Variants in NR1H2 observed in about 807,000 individuals in gnomAD.
NR1H2 encodes the protein nuclear receptor subfamily 1 group H member 2, also known as oxysterols receptor LXR-beta.
Under a neutral mutation model 51.2 loss-of-function variants are expected in NR1H2, and 33 were observed. The observed-to-expected ratio is 0.64, with a 90% CI of 0.49 to 0.86. NR1H2 has a LOEUF of 0.86. NR1H2 is among the 40% of genes least tolerant of loss of function. The pLI is 0.00. For synonymous variants in NR1H2, 310 were observed against 264.3 expected (o/e 1.17, Z -1.68); for missense variants, 592 against 639.9 (o/e 0.93, Z 0.81).
intron 8 of NR1H2, 55 bp downstream of exon 8, chr19:50,379,934 C>G (rs2037739139): frequency 2.7e-6 from 3 of 1,103,488 alleles, no homozygotes; most frequent in South Asian, 1.2e-5. Context: ...GCTGGAAGAC[C>G]TGGGGCCAAC....
rs116627951 is a variant in NR1H2, at chr19:50,379,457, T to G, written c.927+276T>G. On this transcript the variant is annotated intron_variant, in intron 7 of 9. Coordinates refer to ENST00000253727, the MANE Select transcript of NR1H2 (RefSeq NM_007121.7). The stretch of plus-strand genomic sequence containing the variant: ...GGATAACATATAAGTATTGAGCACG[T>G]GCTGTATGCCAGGCTCTATTCCAAG... Among the ~76,000 whole-genome samples, 1,200 of 152,302 alleles carry G rather than the reference T, an allele frequency of 7.9e-3. 23 individuals carry two copies. The highest frequency in any genetic ancestry group is 0.027 in the African/African-American group (1,118 of 41,558).
chr19:50,379,985 G>T, intron 8 of NR1H2, 106 bp downstream of exon 8: 1 of 786,324 alleles, frequency 1.3e-6, no homozygotes. Flanking sequence ...CTCCAAAGTT[G>T]GGGTGAGGGT....
chr19:50,377,394 G>A, intron 2 of NR1H2, 193 bp from the exon 3 acceptor site: 1 of 510,460 alleles, frequency 2.0e-6, no homozygotes, highest in East Asian at 3.4e-5. Context: ...CTGAAGGCTG[G>A]CGTGGAACAG....
rs1329925270 is a variant in NR1H2, at chr19:50,382,681, G to C, written c.*79G>C. ...CGCCGGCACCCCTTCCTCTTCCTAGGGTGGAAGGGGCCCTGGGCCGAGCCT... is the reference window on the plus strand; with the variant it reads ...CGCCGGCACCCCTTCCTCTTCCTAGCGTGGAAGGGGCCCTGGGCCGAGCCT... On this transcript the variant is annotated 3_prime_UTR_variant, in exon 10 of 10. Transcript: ENST00000253727. 2 of 1,426,826 alleles carry C rather than the reference G, an allele frequency of 1.4e-6. No individual in the cohort carries two copies. Among genetic ancestry groups the C allele is most frequent in the Non-Finnish European group, 1.9e-6 (2 of 1,068,182 alleles). 88.4% of individuals were successfully genotyped at this position (1,426,826 alleles called of 1,614,324 possible). A position where few individuals can be genotyped will look rare whatever the true frequency, so the allele number is the denominator to read the frequency against.
At chr19:50,379,318 A>T (rs1446799040) in intron 7 of NR1H2, 137 bp downstream of exon 7, 2 of 1,005,980 alleles carry the variant, frequency 2.0e-6, no homozygotes, top group African/African-American at 3.2e-5. Flanking sequence ...AGCCAAGGAG[A>T]GAAAGGAAAA....
chr19:50,377,448 T>C, intron 2 of NR1H2, 139 bp from the exon 3 acceptor site: 1 of 622,130 alleles, frequency 1.6e-6, no homozygotes, highest in South Asian at 2.2e-5. Context: ...GTTTGTAGGC[T>C]GGCAGGAACC....
chr19:50,382,287 C>G (rs1010629754), intron 9 of NR1H2, 113 bp downstream of exon 9: 55 of 1,340,784 alleles, frequency 4.1e-5, no homozygotes, highest in Non-Finnish European at 5.2e-5. Context: ...AGTCTTTCCT[C>G]AGGCCCCACC....
rs751663019 is a variant in NR1H2 at position 50,382,596 on chromosome 19, C to A, written c.1377C>A (p.His459Gln). The A allele has an allele frequency of 1.3e-6, 2 of 1,575,446 alleles. No homozygotes were observed. The highest frequency in any genetic ancestry group is 1.8e-5 in the Admixed American group (1 of 56,284). The change falls in exon 10 of 10, where the codon CAC becomes CAA. Residue 459 changes from histidine (H) to glutamine (Q), a missense_variant. Coordinates refer to ENST00000253727, the MANE Select transcript of NR1H2 (RefSeq NM_007121.7). ...TGCTGTCGGAGATCTGGGACGTCCA[C>A]GAGTGAGGGGCTGGCCACCCAGCCC... ...PPLLSEIWDV[H>Q]E
intron 4 of NR1H2, 84 bp from the exon 5 acceptor site, chr19:50,378,060 CTCTTT>C: frequency 6.8e-7 from 1 of 1,465,436 alleles, no homozygotes; most frequent in Non-Finnish European, 9.2e-7. Context: ...CATCCTCTGG[CTCTTT>C]GCCTGGGGAT....
chr19:50,378,394 C>T lies in NR1H2; in HGVS notation c.427C>T (p.Gln143Ter). 1 of 1,606,562 alleles carries T rather than the reference C, an allele frequency of 6.2e-7. No homozygotes were observed. Among genetic ancestry groups the T allele is most frequent in the Non-Finnish European group, 8.5e-7 (1 of 1,174,596 alleles). ...CGCTTTCATGCGGCGCAAGTGCCAG[C>T]AGTGCCGGCTGCGCAAGTGCAAGGA... The part of the protein sequence containing the change: ...MDAFMRRKCQ[Q>*]CRLRKCKEAG... The change falls in exon 5 of 10, where the codon CAG becomes TAG. Residue 143 changes from glutamine to a stop codon, truncating the protein, a stop_gained. Coordinates refer to ENST00000253727, the MANE Select transcript of NR1H2 (RefSeq NM_007121.7). LOFTEE classifies it high-confidence loss of function.
chr19:50,382,306 C>A, intron 9 of NR1H2, 132 bp downstream of exon 9: 1 of 1,341,486 alleles, frequency 7.5e-7, no homozygotes, highest in Non-Finnish European at 1.0e-6. Context: ...CCCTGCTCGA[C>A]TGGGAGCCAG....
intron 8 of NR1H2, among the ~76,000 whole-genome samples, chr19:50,380,777 G>A (rs186899963): frequency 6.6e-6 from 1 of 152,244 alleles, no homozygotes; most frequent in Non-Finnish European, 1.5e-5. Flanking sequence ...AAGGAGATGG[G>A]GTGGAGAGGA....
In NR1H2 at chr19:50,378,369, C is replaced by A; in HGVS notation, c.402C>A (p.Asp134Glu). The change falls in exon 5 of 10, where the codon GAC (aspartate) becomes GAA (glutamate). Residue 134 changes from aspartate to glutamate, a missense_variant. Asp to Glu is a conservative substitution (Grantham distance 45, BLOSUM62 2). Coordinates refer to ENST00000253727, the MANE Select transcript of NR1H2 (RefSeq NM_007121.7). ...GGGGTGGCGGAACCTGCCAGATGGA[C>A]GCTTTCATGCGGCGCAAGTGCCAGC... is the stretch of plus-strand genomic sequence containing the variant. ...ACRGGGTCQM[D>E]AFMRRKCQQC... 1 of 1,610,416 alleles carries A rather than the reference C, an allele frequency of 6.2e-7. No individual in the cohort carries two copies. Among genetic ancestry groups the A allele is most frequent in the African/African-American group, 1.3e-5 (1 of 75,006 alleles).
chr19:50,379,134 C>T lies in NR1H2; in HGVS notation c.880C>T (p.Leu294=). The T allele has an allele frequency of 1.2e-6, 2 of 1,613,898 alleles. No homozygotes were observed. The highest frequency in any genetic ancestry group is 8.5e-7 in the Non-Finnish European group (1 of 1,179,970). ...FAKQVPGFLQ[L]GREDQIALLK... The stretch of plus-strand genomic sequence containing the variant: ...TAAGCAAGTGCCTGGTTTCCTGCAG[C>T]TGGGCCGGGAGGACCAGATCGCCCT... The change falls in exon 7 of 10, where the codon CTG becomes TTG. Residue 294 remains leucine (L), a synonymous_variant. Transcript: ENST00000253727.
At position 50,382,436 on chromosome 19, in the gene NR1H2, C is replaced by T; in HGVS notation, c.1237-20C>T. ...GGCAGGGCAGGGGCTCAGCCAGCGCCCACCTGCCTCCTCCCTCAGGACCAG... is the reference window on the plus strand; with the variant it reads ...GGCAGGGCAGGGGCTCAGCCAGCGCTCACCTGCCTCCTCCCTCAGGACCAG... On this transcript the variant is annotated intron_variant, in intron 9 of 9. Transcript: ENST00000253727. The T allele has an allele frequency of 6.4e-7, 1 of 1,573,318 alleles. No homozygotes were observed. Among genetic ancestry groups the T allele is most frequent in the South Asian group, 1.1e-5 (1 of 87,540 alleles).
At chr19:50,379,608 G>A (rs777537894) in intron 7 of NR1H2, among the ~76,000 whole-genome samples, 172 bp from the exon 8 acceptor site, 2 of 152,178 alleles carry the variant, frequency 1.3e-5, no homozygotes, top group Non-Finnish European at 2.9e-5. Context: ...AGTGGAGAAA[G>A]AGCTCGGGCT....
Position 50,378,411 on chromosome 19 carries a change from G to A in NR1H2, c.444G>A (p.Lys148=). 1 of 1,603,888 alleles carries A rather than the reference G, an allele frequency of 6.2e-7. No individual in the cohort carries two copies. The highest frequency in any genetic ancestry group is 8.5e-7 in the Non-Finnish European group (1 of 1,172,502). Residue 148 remains lysine (K), a synonymous_variant, in exon 5 of 10, where the codon AAG becomes AAA. Transcript: ENST00000253727. ...RRKCQQCRLR[K]CKEAGMREQC... is the part of the protein sequence containing the mutation. ...AGTGCCAGCAGTGCCGGCTGCGCAA[G>A]TGCAAGGAGGCAGGGATGAGGGAGC...
intron 9 of NR1H2, 131 bp from the exon 10 acceptor site, chr19:50,382,325 C>T (rs766254480): frequency 7.3e-7 from 1 of 1,371,856 alleles, no homozygotes; most frequent in Non-Finnish European, 9.8e-7. Flanking sequence ...AGGTCTAGTC[C>T]AAGCACAGAG....
chr19:50,378,515 C>G lies in NR1H2; in HGVS notation c.473-7C>G. 6.2e-7 allele frequency: 1 copy of G among 1,603,042 alleles called. No individual in the cohort carries two copies. Among genetic ancestry groups the G allele is most frequent in the Non-Finnish European group, 8.5e-7 (1 of 1,173,412 alleles). ...GGGGTTCTGCTGAGGCCTGCATCCC[C>G]CTACAGGCGTCCTTTCTGAAGAACA... On this transcript the variant is annotated splice_polypyrimidine_tract_variant and splice_region_variant and intron_variant, in intron 5 of 9. Transcript: ENST00000253727.
Sources: gnomAD v4.1 joint callset for allele counts (sites outside exome capture counted in the v4.1 genomes callset) on GRCh38, gnomAD v4.1.1 for gene constraint, MANE v1.5 for transcripts, NCBI Gene and HGNC (gene_info 2026-07-23, HGNC 2026-07-21) for gene names.